Variants in PLCB4 observed in about 807,000 individuals in gnomAD.
The protein encoded by PLCB4 is 1-phosphatidylinositol 4,5-bisphosphate phosphodiesterase beta-4.
A neutral mutation model predicts 178.8 loss-of-function variants in PLCB4; 77 were observed. That is an observed-to-expected ratio of 0.43 (90% CI 0.36 to 0.52). The LOEUF (loss-of-function observed/expected upper bound fraction) is 0.52, where lower values mean the gene tolerates loss of function less well. PLCB4 is among the 20% of genes least tolerant of loss of function. PLCB4 has a pLI of 0.00. For synonymous variants in PLCB4, 496 were observed against 490.8 expected (o/e 1.01, Z -0.14); for missense variants, 1,024 against 1,453.4 (o/e 0.70, Z 4.80).
At chr20:9,396,937 C>G (rs1347215638) in intron 19 of PLCB4, among the ~76,000 whole-genome samples, 3 of 152,106 alleles carry the variant, frequency 2.0e-5, no homozygotes, top group Non-Finnish European at 4.4e-5. Flanking sequence ...GAGGCAGTTG[C>G]CAAAGATTGG....
At position 9,434,127 on chromosome 20, in the gene PLCB4, C is replaced by A. The variant is rs189538423; in HGVS notation, c.2525-1433C>A. On this transcript the variant is annotated intron_variant, in intron 28 of 39. Coordinates refer to ENST00000378473, the MANE Select transcript of PLCB4 (RefSeq NM_001377142.1). Reference sequence around the variant, plus strand: ...CCATTCAGAGAATGGAAAGTTTAAGCAACCCTTATAATTAATGTATTAGAG... The same window carrying A: ...CCATTCAGAGAATGGAAAGTTTAAGAAACCCTTATAATTAATGTATTAGAG... Among the ~76,000 whole-genome samples, 413 of 152,246 alleles carry A rather than the reference C, an allele frequency of 2.7e-3. 6 individuals carry two copies. The highest frequency in any genetic ancestry group is 6.0e-4 in the Non-Finnish European group (41 of 68,022).
In PLCB4 at chr20:9,389,945, GA is replaced by G; in HGVS notation, c.1229del (p.Asn410IlefsTer24). On this transcript the variant is annotated frameshift_variant, in exon 16 of 40. Coordinates refer to ENST00000378473, the MANE Select transcript of PLCB4 (RefSeq NM_001377142.1). LOFTEE classifies it high-confidence loss of function. ...TSEYPVILSF[E>X]NHCSKYQQYK... ...AGAATATCCTGTAATTCTCTCCTTT[GA>G]AAATCACTGCAGGTATAATGATCCA... 6.5e-7 allele frequency: 1 copy of G among 1,550,268 alleles called. No homozygotes were observed. The highest frequency in any genetic ancestry group is 8.9e-7 in the Non-Finnish European group (1 of 1,124,444).
chr20:9,194,341 T>C (rs2093441903), intron 2 of PLCB4, among the ~76,000 whole-genome samples: 1 of 152,160 alleles, frequency 6.6e-6, no homozygotes. Flanking sequence ...ACTCAGGTAA[T>C]TTTAGCTACA....
intron 2 of PLCB4, among the ~76,000 whole-genome samples, chr20:9,148,314 C>T (rs750567571): frequency 6.6e-6 from 1 of 151,920 alleles, no homozygotes; most frequent in Non-Finnish European, 1.5e-5. Flanking sequence ...AATGTATTTG[C>T]AATCTTTATA....
intron 19 of PLCB4, among the ~76,000 whole-genome samples, chr20:9,399,112 G>T (rs1284243436): frequency 6.6e-6 from 1 of 152,158 alleles, no homozygotes; most frequent in East Asian, 1.9e-4. Flanking sequence ...TATTCTTAAA[G>T]GTGCTTTCCC....
chr20:9,072,010 A>T (rs2146462201), intron 1 of PLCB4, among the ~76,000 whole-genome samples: 1 of 152,332 alleles, frequency 6.6e-6, no homozygotes, highest in Admixed American at 6.5e-5. Context: ...TGCTTTAATG[A>T]TCACAGTTGG....
chr20:9,177,838 C>T (rs192221880), intron 2 of PLCB4, among the ~76,000 whole-genome samples: 114 of 152,282 alleles, frequency 7.5e-4, no homozygotes, highest in African/African-American at 2.7e-3. Context: ...TAAAACTGAT[C>T]TGCCTAACAC....
intron 3 of PLCB4, among the ~76,000 whole-genome samples, chr20:9,223,458 C>A (rs982149057): frequency 6.6e-6 from 1 of 152,152 alleles, no homozygotes; most frequent in Non-Finnish European, 1.5e-5. Flanking sequence ...GGGAAGGGCC[C>A]GGCTGTGCAT....
At chr20:9,217,988 T>C (rs918416958) in intron 3 of PLCB4, among the ~76,000 whole-genome samples, 1 of 152,218 alleles carries the variant, frequency 6.6e-6, no homozygotes, top group African/African-American at 2.4e-5. Context: ...ACTGGAAATA[T>C]CTTTATATGG....
intron 2 of PLCB4, among the ~76,000 whole-genome samples, chr20:9,174,944 T>C (rs1039172918): frequency 1.3e-5 from 2 of 152,196 alleles, no homozygotes; most frequent in Non-Finnish European, 1.5e-5. Flanking sequence ...AATCATGACA[T>C]TTTCTCTTTT....
At chr20:9,410,933 C>A in intron 24 of PLCB4, 104 bp from the exon 25 acceptor site, 1 of 753,964 alleles carries the variant, frequency 1.3e-6, no homozygotes, top group South Asian at 1.6e-5. Flanking sequence ...AAAGAGGGAC[C>A]TGTGGGCCTA....
chr20:9,271,567 AT>A (rs2094402539), intron 3 of PLCB4, among the ~76,000 whole-genome samples: 2 of 152,162 alleles, frequency 1.3e-5, no homozygotes, highest in Non-Finnish European at 2.9e-5. Context: ...TACATGAATT[AT>A]GTGCATCTAT....
chr20:9,279,950 A>T (rs540460098), intron 3 of PLCB4, among the ~76,000 whole-genome samples: 90 of 152,188 alleles, frequency 5.9e-4, no homozygotes, highest in Non-Finnish European at 1.1e-3. Flanking sequence ...TGGCTTTGTC[A>T]TAGTTGACTT....
At chr20:9,150,252 GATGAATTAA>G (rs2092669548) in intron 2 of PLCB4, among the ~76,000 whole-genome samples, 1 of 152,178 alleles carries the variant, frequency 6.6e-6, no homozygotes, top group African/African-American at 2.4e-5. Flanking sequence ...TAACATTATT[GATGAATTAA>G]ATACAGAAGT....
intron 2 of PLCB4, among the ~76,000 whole-genome samples, chr20:9,209,763 A>G (rs1013637841): frequency 1.3e-4 from 20 of 152,152 alleles, no homozygotes; most frequent in African/African-American, 4.3e-4. Flanking sequence ...GAAAACCCAG[A>G]AACTCCTGGT....
At chr20:9,308,380 T>C (rs2094795078) in intron 4 of PLCB4, among the ~76,000 whole-genome samples, 1 of 152,216 alleles carries the variant, frequency 6.6e-6, no homozygotes, top group Admixed American at 6.5e-5. Context: ...TTATTGTCTG[T>C]GCCCTTGCAA....
chr20:9,280,845 A>G (rs2094488886), intron 3 of PLCB4, among the ~76,000 whole-genome samples: 1 of 151,644 alleles, frequency 6.6e-6, no homozygotes, highest in Non-Finnish European at 1.5e-5. Flanking sequence ...TATGCCGAAC[A>G]TGTGTTCATA....
chr20:9,107,608 C>T (rs1316373503), intron 2 of PLCB4, among the ~76,000 whole-genome samples: 1 of 151,960 alleles, frequency 6.6e-6, no homozygotes, highest in Non-Finnish European at 1.5e-5. Flanking sequence ...AGCAAGGAAG[C>T]CCCGGATTGA....
chr20:9,116,940 TTTG>T (rs759279550), intron 2 of PLCB4, among the ~76,000 whole-genome samples: 1 of 152,170 alleles, frequency 6.6e-6, no homozygotes, highest in South Asian at 2.1e-4. Flanking sequence ...CCTTAGAGTT[TTTG>T]TTGTTGTGAA....
Sources: gnomAD v4.1 joint callset for allele counts (sites outside exome capture counted in the v4.1 genomes callset) on GRCh38, gnomAD v4.1.1 for gene constraint, MANE v1.5 for transcripts, NCBI Gene and HGNC (gene_info 2026-07-23, HGNC 2026-07-21) for gene names.